Variants in DIP2C observed in about 807,000 individuals in gnomAD.
DIP2C encodes disco-interacting protein 2 homolog C.
DIP2C carries 33 observed loss-of-function variants against 192.4 expected under a neutral mutation model. The ratio of observed to expected loss-of-function variants is 0.17; its 90% confidence interval spans 0.13 to 0.23. The LOEUF (loss-of-function observed/expected upper bound fraction) is 0.23, where lower values mean the gene tolerates loss of function less well. Ranked by LOEUF, DIP2C falls within the 10% of genes least tolerant of loss-of-function variation. The pLI is 1.00. For missense variants in DIP2C, 1,537 were observed against 2,110.1 expected (o/e 0.73, Z 5.32); for synonymous variants, 979 against 864.1 (o/e 1.13, Z -2.33).
At chr10:310,178 T>C (rs1589444377) in intron 31 of DIP2C, 86 bp from the exon 32 acceptor site, 2 of 1,272,168 alleles carry the variant, frequency 1.6e-6, no homozygotes, top group East Asian at 2.3e-5. Context: ...AACATTTCTT[T>C]TGTAAAATCT....
At chr10:337,049 G>GGTGTGTGTGTGTGTGTGTGT (rs148004134) in intron 29 of DIP2C, among the ~76,000 whole-genome samples, 643 of 37,922 alleles carry the variant, frequency 0.017, 118 homozygotes, top group Non-Finnish European at 0.02. Context: ...GGCCTAGACT[G>GGTGTGTGTGTGTGTGTGTGT]GTGTGTGTGT....
chr10:681,991 C>A (rs1351447658), intron 1 of DIP2C, among the ~76,000 whole-genome samples: 2 of 152,260 alleles, frequency 1.3e-5, no homozygotes, highest in African/African-American at 4.8e-5. Context: ...GAGCTGATGG[C>A]CTTCCACTCT....
At chr10:392,950 C>A (rs573462297) in intron 10 of DIP2C, among the ~76,000 whole-genome samples, 37 of 152,352 alleles carry the variant, frequency 2.4e-4, no homozygotes, top group African/African-American at 8.9e-4. Flanking sequence ...ATGGACCCTG[C>A]ACACAGCACC....
At chr10:624,254 C>T (rs1284446711) in intron 1 of DIP2C, among the ~76,000 whole-genome samples, 1 of 152,176 alleles carries the variant, frequency 6.6e-6, no homozygotes, top group Non-Finnish European at 1.5e-5. Flanking sequence ...ACCTCTGTCA[C>T]CAAAGTTGAG....
intron 1 of DIP2C, among the ~76,000 whole-genome samples, chr10:508,695 G>C (rs970563799): frequency 1.3e-5 from 2 of 152,068 alleles, no homozygotes; most frequent in African/African-American, 2.4e-5. Context: ...GTCAACGTAA[G>C]AAAAAAGCCT....
intron 1 of DIP2C, among the ~76,000 whole-genome samples, chr10:598,508 G>A (rs1462228510): frequency 1.3e-5 from 2 of 152,144 alleles, no homozygotes. Flanking sequence ...GACAGGGGTA[G>A]GGGAGCATCA....
chr10:316,755 C>T (rs1956791858), intron 31 of DIP2C, among the ~76,000 whole-genome samples: 2 of 152,346 alleles, frequency 1.3e-5, no homozygotes, highest in East Asian at 1.9e-4. Context: ...AAAATGCATC[C>T]ACTTTTAGGA....
At chr10:321,241 T>C (rs1403636696) in intron 31 of DIP2C, among the ~76,000 whole-genome samples, 7 of 152,228 alleles carry the variant, frequency 4.6e-5, no homozygotes, top group African/African-American at 7.2e-5. Flanking sequence ...AAAAACTGCA[T>C]GCGGCTTCGC....
intron 18 of DIP2C, among the ~76,000 whole-genome samples, chr10:366,705 G>A (rs1467085655): frequency 6.6e-6 from 1 of 152,194 alleles, no homozygotes; most frequent in Non-Finnish European, 1.5e-5. Flanking sequence ...TAGATATGGG[G>A]AGGAACCTCA....
chr10:365,492 G>A (rs1021692406), intron 19 of DIP2C, among the ~76,000 whole-genome samples: 17 of 152,194 alleles, frequency 1.1e-4, no homozygotes, highest in African/African-American at 3.6e-4. Flanking sequence ...AGCTGTGAAC[G>A]TGCCACTGCC....
chr10:462,384 T>C (rs1969861348), intron 3 of DIP2C, among the ~76,000 whole-genome samples: 1 of 152,118 alleles, frequency 6.6e-6, no homozygotes, highest in Non-Finnish European at 1.5e-5. Context: ...TACCAGAGAA[T>C]ACTGTAAACA....
At chr10:684,827 A>G (rs1310661943) in intron 1 of DIP2C, among the ~76,000 whole-genome samples, 2 of 152,108 alleles carry the variant, frequency 1.3e-5, no homozygotes, top group Admixed American at 6.5e-5. Flanking sequence ...ACACGTATTC[A>G]TATGTGCTAA....
chr10:648,777 A>C (rs975785115), intron 1 of DIP2C, among the ~76,000 whole-genome samples: 3 of 149,690 alleles, frequency 2.0e-5, no homozygotes, highest in African/African-American at 7.4e-5. Context: ...AACTGAGTCC[A>C]CGTCCACATT....
chr10:477,898 A>G (rs1231809927), intron 2 of DIP2C, among the ~76,000 whole-genome samples: 1 of 129,064 alleles, frequency 7.7e-6, no homozygotes, highest in African/African-American at 3.0e-5. Context: ...AGAAAAGGAA[A>G]AGAGAGGGAA....
At position 398,442 on chromosome 10, in the gene DIP2C, G is replaced by A. The variant is rs146867784; in HGVS notation, c.1260+667C>T. Among the ~76,000 whole-genome samples, 557 of 152,266 alleles carry A rather than the reference G, an allele frequency of 3.7e-3. 1 individual carries two copies. Among genetic ancestry groups the A allele is most frequent in the Non-Finnish European group, 5.3e-3 (359 of 68,020 alleles). On this transcript the variant is annotated intron_variant, in intron 10 of 36. Transcript: ENST00000280886. ...GGCTTCAAGCTGTCCCACCTTTCTA[G>A]ACCAAATGAACATATGTCTTACATG...
intron 29 of DIP2C, chr10:340,978 A>G (rs1958117409): frequency 1.5e-6 from 1 of 677,982 alleles, no homozygotes; most frequent in Non-Finnish European, 2.7e-6. Flanking sequence ...GGCTCTCCAA[A>G]ATGCTCCTTC....
At chr10:590,811 C>T (rs749033172) in intron 1 of DIP2C, among the ~76,000 whole-genome samples, 8 of 152,158 alleles carry the variant, frequency 5.3e-5, no homozygotes, top group Admixed American at 2.0e-4. Flanking sequence ...CTAGGCAGGT[C>T]GTCCTAAGGT....
At position 651,900 on chromosome 10, in the gene DIP2C, C is replaced by T. The variant is rs564294011; in HGVS notation, c.85+37594G>A. The T allele has an allele frequency of 2.1e-4, 38 of 180,088 alleles. No individual in the cohort carries two copies. Among genetic ancestry groups the T allele is most frequent in the Non-Finnish European group, 1.1e-4 (9 of 85,536 alleles). The allele number at this position is 180,088 out of a possible 1,614,324, so 11.2% of individuals were successfully genotyped here. On this transcript the variant is annotated intron_variant, in intron 1 of 36. Coordinates refer to ENST00000280886, the MANE Select transcript of DIP2C (RefSeq NM_014974.3). The surrounding 1 kb of genome is among the most constrained non-coding windows in gnomAD (Gnocchi z 4.1). ...AACGGCCTCGCTGTACTCAGGGAGTCGGTTCCAGGACCCCATGGACACCAA... is the reference window on the plus strand; with the variant it reads ...AACGGCCTCGCTGTACTCAGGGAGTTGGTTCCAGGACCCCATGGACACCAA...
chr10:351,193 C>T (rs967094581), intron 24 of DIP2C, among the ~76,000 whole-genome samples: 12 of 152,142 alleles, frequency 7.9e-5, no homozygotes, highest in Admixed American at 7.2e-4. Context: ...GCCGCACGGA[C>T]GAACAGTATC....
Sources: allele counts gnomAD v4.1 joint callset (sites outside exome capture counted in the v4.1 genomes callset), GRCh38; gene constraint gnomAD v4.1.1; non-coding constraint Gnocchi (gnomAD v3.1); transcripts MANE v1.5; gene names NCBI Gene and HGNC (gene_info 2026-07-23, HGNC 2026-07-21).